PDE3A: variants seen among roughly 807,000 people sequenced by gnomAD.
The protein encoded by PDE3A is cGMP-inhibited 3',5'-cyclic phosphodiesterase 3A.
A neutral mutation model predicts 98.3 loss-of-function variants in PDE3A; 43 were observed. The observed-to-expected ratio is 0.44, with a 90% CI of 0.34 to 0.56. The LOEUF (loss-of-function observed/expected upper bound fraction) is 0.56. Among genes scored for constraint, PDE3A ranks in the 20% least tolerant of loss-of-function variants. The pLI is 0.01. For synonymous variants in PDE3A, 663 were observed against 567.9 expected, an observed-to-expected ratio of 1.17 and a Z score of -2.38; for missense variants, 1,427 against 1,440.7, an observed-to-expected ratio of 0.99 and a Z score of 0.15.
intron 1 of PDE3A, among the ~76,000 whole-genome samples, chr12:20,386,620 G>A (rs1440854673): frequency 6.6e-6 from 1 of 151,852 alleles, no homozygotes; most frequent in East Asian, 1.9e-4. Context: ...GATTATAAGT[G>A]AGAGCCACTG....
intron 1 of PDE3A, among the ~76,000 whole-genome samples, chr12:20,504,722 C>G (rs1029918528): frequency 3.3e-5 from 5 of 151,990 alleles, no homozygotes; most frequent in African/African-American, 1.2e-4. Context: ...TGAGTTGATT[C>G]CTTCTCACAT....
intron 7 of PDE3A, among the ~76,000 whole-genome samples, chr12:20,634,501 G>A (rs1944453905): frequency 6.6e-6 from 1 of 152,182 alleles, no homozygotes; most frequent in South Asian, 2.1e-4. Flanking sequence ...GTGCTACACA[G>A]AGAACTTTAT....
At chr12:20,434,983 A>C (rs1944756828) in intron 1 of PDE3A, among the ~76,000 whole-genome samples, 1 of 152,208 alleles carries the variant, frequency 6.6e-6, no homozygotes, top group Non-Finnish European at 1.5e-5. Flanking sequence ...ACATTGAAAG[A>C]CACTTTAGCA....
intron 15 of PDE3A, among the ~76,000 whole-genome samples, chr12:20,665,540 A>G (rs945165672): frequency 4.6e-5 from 7 of 152,164 alleles, no homozygotes; most frequent in African/African-American, 1.4e-4. Context: ...CACAGACCCT[A>G]TGGTCTAGAA....
At position 20,621,286 on chromosome 12, in the gene PDE3A, G is replaced by C; in HGVS notation, c.1425-10G>C. Reference sequence around the variant, plus strand: ...ATTTTCTTTTAATTCTGTCTTTCTGGTGCTTTTAGTCCTGATTCTTGGAAT... The same window carrying C: ...ATTTTCTTTTAATTCTGTCTTTCTGCTGCTTTTAGTCCTGATTCTTGGAAT... On this transcript the variant is annotated splice_polypyrimidine_tract_variant and intron_variant, in intron 4 of 15. Coordinates refer to ENST00000359062, the MANE Select transcript of PDE3A (RefSeq NM_000921.5). 1 of 1,414,432 alleles carries C rather than the reference G, an allele frequency of 7.1e-7. No individual in the cohort carries two copies. The highest frequency in any genetic ancestry group is 1.4e-5 in the African/African-American group (1 of 71,002). The allele number at this position is 1,414,432 out of a possible 1,614,324, so 87.6% of individuals were successfully genotyped here.
intron 1 of PDE3A, among the ~76,000 whole-genome samples, chr12:20,505,002 A>C (rs1244743348): frequency 6.6e-6 from 1 of 152,062 alleles, no homozygotes; most frequent in Non-Finnish European, 1.5e-5. Flanking sequence ...AAAGCACCAG[A>C]GGTCTTTTCC....
chr12:20,510,731 G>A (rs1357880020), intron 1 of PDE3A, among the ~76,000 whole-genome samples: 2 of 152,028 alleles, frequency 1.3e-5, no homozygotes, highest in African/African-American at 4.8e-5. Context: ...TTATGGTGCA[G>A]GTAGATTTGT....
At chr12:20,481,365 A>C (rs995334779) in intron 1 of PDE3A, among the ~76,000 whole-genome samples, 2 of 152,222 alleles carry the variant, frequency 1.3e-5, no homozygotes, top group Non-Finnish European at 2.9e-5. Flanking sequence ...TGAATGTTTC[A>C]AGTTGAAACT....
intron 2 of PDE3A, among the ~76,000 whole-genome samples, chr12:20,561,677 C>T (rs1942525516): frequency 6.6e-6 from 1 of 152,088 alleles, no homozygotes; most frequent in African/African-American, 2.4e-5. Context: ...TAAGCTTCCC[C>T]TGGCTTCTCC....
chr12:20,401,548 TTCTG>T (rs1327625681), intron 1 of PDE3A, among the ~76,000 whole-genome samples: 1 of 152,088 alleles, frequency 6.6e-6, no homozygotes, highest in Non-Finnish European at 1.5e-5. Flanking sequence ...GAGGTCCTAC[TTCTG>T]TCTACCACAT....
intron 1 of PDE3A, among the ~76,000 whole-genome samples, chr12:20,377,118 G>A (rs916733416): frequency 6.6e-6 from 1 of 151,740 alleles, no homozygotes; most frequent in Non-Finnish European, 1.5e-5. Context: ...TGATTTGTGT[G>A]TGTGCATGTG....
At chr12:20,439,518 A>G (rs1944832780) in intron 1 of PDE3A, among the ~76,000 whole-genome samples, 1 of 152,044 alleles carries the variant, frequency 6.6e-6, no homozygotes, top group Non-Finnish European at 1.5e-5. Context: ...ACTCCATTTG[A>G]TATATGACCT....
At chr12:20,401,327 T>G (rs371398781) in intron 1 of PDE3A, among the ~76,000 whole-genome samples, 4 of 152,336 alleles carry the variant, frequency 2.6e-5, no homozygotes, top group African/African-American at 9.6e-5. Context: ...TAATATTTAA[T>G]CATGTAAATC....
At chr12:20,508,463 C>A (rs1356187204) in intron 1 of PDE3A, among the ~76,000 whole-genome samples, 10 of 150,900 alleles carry the variant, frequency 6.6e-5, no homozygotes, top group African/African-American at 2.4e-4. Flanking sequence ...TCATCTAGAA[C>A]AGTGTCTGGT....
intron 1 of PDE3A, among the ~76,000 whole-genome samples, chr12:20,415,259 C>T (rs1200884560): frequency 6.6e-6 from 1 of 151,912 alleles, no homozygotes; most frequent in Non-Finnish European, 1.5e-5. Flanking sequence ...AAACATGTGT[C>T]TGAATTGTAG....
chr12:20,622,681 TAAG>T (rs1345513923), intron 5 of PDE3A, among the ~76,000 whole-genome samples: 1 of 152,030 alleles, frequency 6.6e-6, no homozygotes, highest in Non-Finnish European at 1.5e-5. Context: ...TGCTCAGTAA[TAAG>T]GAGAATCATC....
At chr12:20,635,146 C>A in intron 8 of PDE3A, 90 bp downstream of exon 8, 1 of 1,206,494 alleles carries the variant, frequency 8.3e-7, no homozygotes, top group Non-Finnish European at 1.2e-6. Flanking sequence ...TGAGGCCAGG[C>A]AAGGTGGCTC....
intron 15 of PDE3A, among the ~76,000 whole-genome samples, chr12:20,662,863 T>C (rs143038451): frequency 9.9e-5 from 15 of 152,282 alleles, no homozygotes; most frequent in African/African-American, 2.6e-4. Context: ...GAGCCAAATG[T>C]TAATCACCAA....
At chr12:20,551,200 T>C (rs1942188420) in intron 1 of PDE3A, among the ~76,000 whole-genome samples, 1 of 152,038 alleles carries the variant, frequency 6.6e-6, no homozygotes, top group South Asian at 2.1e-4. Flanking sequence ...CATAGATCTA[T>C]TTATTTTGTA....
Sources: allele counts gnomAD v4.1 joint callset (sites outside exome capture counted in the v4.1 genomes callset), GRCh38; gene constraint gnomAD v4.1.1; transcripts MANE v1.5; gene names NCBI Gene and HGNC (gene_info 2026-07-23, HGNC 2026-07-21).